Variants in GULP1 observed in about 807,000 individuals in gnomAD.
The protein encoded by GULP1 is PTB domain-containing engulfment adapter protein 1.
GULP1 carries 19 observed loss-of-function variants against 40.9 expected under a neutral mutation model. The ratio of observed to expected loss-of-function variants is 0.46; its 90% CI spans 0.32 to 0.68. GULP1 has a LOEUF of 0.68. GULP1 is among the 30% of genes least tolerant of loss of function. GULP1 has a pLI of 0.03. For missense variants in GULP1, 312 were observed against 362.2 expected, an observed-to-expected ratio of 0.86 and a Z score of 1.12; for synonymous variants, 119 against 117.6, an observed-to-expected ratio of 1.01 and a Z score of -0.08.
chr2:188,330,611 A>G (rs11683340), intron 1 of GULP1, among the ~76,000 whole-genome samples: 12,123 of 152,190 alleles, frequency 0.08, 1,250 homozygotes, highest in African/African-American at 0.24. Context: ...ATTTATGTCT[A>G]ACTTTTAGTA....
intron 9 of GULP1, among the ~76,000 whole-genome samples, chr2:188,573,845 G>T (rs1699630900): frequency 6.6e-6 from 1 of 152,146 alleles, no homozygotes; most frequent in Non-Finnish European, 1.5e-5. Flanking sequence ...AGCATCTGAT[G>T]AGTTTTTAGT....
intron 2 of GULP1, among the ~76,000 whole-genome samples, chr2:188,411,006 G>T (rs1176313490): frequency 6.6e-6 from 1 of 152,064 alleles, no homozygotes; most frequent in Non-Finnish European, 1.5e-5. Context: ...ATTACCCTTG[G>T]GTGCATAATT....
At chr2:188,393,675 T>A (rs1384699370) in intron 2 of GULP1, among the ~76,000 whole-genome samples, 2 of 152,194 alleles carry the variant, frequency 1.3e-5, no homozygotes, top group African/African-American at 4.8e-5. Context: ...CACCTTGAGT[T>A]TTATGCTTTC....
intron 1 of GULP1, among the ~76,000 whole-genome samples, chr2:188,333,903 G>T (rs578062929): frequency 6.6e-6 from 1 of 152,074 alleles, no homozygotes; most frequent in Non-Finnish European, 1.5e-5. Context: ...CCTTTGGACT[G>T]AGACCATACA....
chr2:188,562,713 T>C (rs1390397074), intron 7 of GULP1, among the ~76,000 whole-genome samples: 2 of 152,174 alleles, frequency 1.3e-5, no homozygotes, highest in Admixed American at 1.3e-4. Context: ...AATAGAATGC[T>C]ATCCCAAGCA....
intron 2 of GULP1, among the ~76,000 whole-genome samples, chr2:188,398,104 G>A (rs2051552619): frequency 6.6e-6 from 1 of 152,184 alleles, no homozygotes; most frequent in Admixed American, 6.5e-5. Flanking sequence ...ACACACAGAG[G>A]AGAAGACCAT....
chr2:188,453,100 G>A (rs754837834), intron 2 of GULP1, among the ~76,000 whole-genome samples: 1 of 151,786 alleles, frequency 6.6e-6, no homozygotes, highest in African/African-American at 2.4e-5. Flanking sequence ...TTACAGGTGT[G>A]AGCCACTATG....
chr2:188,374,587 T>C (rs1219247359), intron 1 of GULP1, among the ~76,000 whole-genome samples: 5 of 152,150 alleles, frequency 3.3e-5, no homozygotes, highest in African/African-American at 9.7e-5. Context: ...AAAGGGATTG[T>C]TTCTTTGTAG....
intron 2 of GULP1, among the ~76,000 whole-genome samples, chr2:188,419,887 GAT>G (rs1254628579): frequency 6.6e-6 from 1 of 152,142 alleles, no homozygotes; most frequent in African/African-American, 2.4e-5. Context: ...TACGTTGTAA[GAT>G]AAGGGTACAA....
intron 7 of GULP1, among the ~76,000 whole-genome samples, chr2:188,556,927 G>A (rs1395418861): frequency 6.6e-6 from 1 of 152,036 alleles, no homozygotes; most frequent in Admixed American, 6.5e-5. Flanking sequence ...AGGAGGCTGA[G>A]GCAGGAGAAT....
At chr2:188,380,222 A>G (rs2048843006) in intron 1 of GULP1, among the ~76,000 whole-genome samples, 1 of 152,156 alleles carries the variant, frequency 6.6e-6, no homozygotes, top group South Asian at 2.1e-4. Context: ...CAATCATCCT[A>G]ATATCACCTT....
intron 9 of GULP1, among the ~76,000 whole-genome samples, chr2:188,580,237 A>T (rs981694976): frequency 6.6e-6 from 1 of 152,224 alleles, no homozygotes; most frequent in African/African-American, 2.4e-5. Flanking sequence ...ACATCTCTAC[A>T]TAAATAGATG....
intron 2 of GULP1, among the ~76,000 whole-genome samples, chr2:188,411,630 A>T (rs1281566325): frequency 6.6e-6 from 1 of 152,180 alleles, no homozygotes; most frequent in East Asian, 1.9e-4. Context: ...CTTTGTTTTT[A>T]ACCACTAAGA....
At chr2:188,422,529 A>C (rs2055588272) in intron 2 of GULP1, among the ~76,000 whole-genome samples, 1 of 151,934 alleles carries the variant, frequency 6.6e-6, no homozygotes, top group Admixed American at 6.6e-5. Context: ...TTTAGCGAAC[A>C]TGTAATTTAA....
intron 2 of GULP1, among the ~76,000 whole-genome samples, chr2:188,457,700 T>C (rs892336026): frequency 6.6e-6 from 1 of 152,222 alleles, no homozygotes; most frequent in Non-Finnish European, 1.5e-5. Flanking sequence ...TTTCAATATA[T>C]GGATATAATT....
At chr2:188,423,176 C>G (rs1362384140) in intron 2 of GULP1, among the ~76,000 whole-genome samples, 6 of 152,030 alleles carry the variant, frequency 3.9e-5, no homozygotes, top group Admixed American at 3.9e-4. Flanking sequence ...ATAATCACAT[C>G]TTTCTTTTCT....
At chr2:188,535,017 T>A (rs1388150999) in intron 6 of GULP1, among the ~76,000 whole-genome samples, 8 of 151,166 alleles carry the variant, frequency 5.3e-5, no homozygotes, top group Non-Finnish European at 1.2e-4. Flanking sequence ...TAATAATAAA[T>A]TGTTATTAAT....
intron 6 of GULP1, among the ~76,000 whole-genome samples, chr2:188,529,529 G>GT (rs1425285898): frequency 2.0e-5 from 3 of 152,124 alleles, no homozygotes; most frequent in Non-Finnish European, 4.4e-5. Flanking sequence ...AAAGCTGTGT[G>GT]TTATTAAAAT....
At chr2:188,340,126 A>G (rs1452121307) in intron 1 of GULP1, among the ~76,000 whole-genome samples, 1 of 152,222 alleles carries the variant, frequency 6.6e-6, no homozygotes, top group African/African-American at 2.4e-5. Context: ...TTACGAAATG[A>G]TGAAATGAAA....
Sources: gnomAD v4.1 joint callset for allele counts (sites outside exome capture counted in the v4.1 genomes callset) on GRCh38, gnomAD v4.1.1 for gene constraint, MANE v1.5 for transcripts, NCBI Gene and HGNC (gene_info 2026-07-23, HGNC 2026-07-21) for gene names.